Variants in HIVEP3 observed in about 807,000 individuals in gnomAD.
The protein encoded by HIVEP3 is transcription factor HIVEP3.
HIVEP3 carries 49 observed loss-of-function variants against 152.8 expected under a neutral mutation model. The observed-to-expected ratio is 0.32, with a 90% confidence interval of 0.26 to 0.41. The LOEUF (loss-of-function observed/expected upper bound fraction) is 0.41, where lower values mean the gene tolerates loss of function less well. Ranked by LOEUF, HIVEP3 falls within the 10% of genes least tolerant of loss-of-function variation. The pLI is 1.00. For synonymous variants in HIVEP3, 1,269 were observed against 1,289.0 expected (o/e 0.98, Z 0.33); for missense variants, 2,790 against 3,103.3 (o/e 0.90, Z 2.40).
At chr1:41,892,225 AAAC>A (rs1195327740) in intron 1 of HIVEP3, among the ~76,000 whole-genome samples, 2 of 152,228 alleles carry the variant, frequency 1.3e-5, no homozygotes, top group Admixed American at 6.5e-5. Flanking sequence ...TAAAACAAAT[AAAC>A]AACAACAACA....
At chr1:41,810,471 GC>G (rs1008923354) in intron 1 of HIVEP3, among the ~76,000 whole-genome samples, 7 of 152,144 alleles carry the variant, frequency 4.6e-5, no homozygotes, top group African/African-American at 1.7e-4. Context: ...TAGGTCCCTT[GC>G]CCCCCATCCA....
chr1:41,813,102 G>A (rs924829138), intron 1 of HIVEP3, among the ~76,000 whole-genome samples: 25 of 152,016 alleles, frequency 1.6e-4, no homozygotes, highest in African/African-American at 9.7e-5. Context: ...GCAGTGGTGC[G>A]ATCTTGGCTC....
chr1:41,667,012 C>T (rs974629488), intron 2 of HIVEP3, among the ~76,000 whole-genome samples: 1 of 152,174 alleles, frequency 6.6e-6, no homozygotes, highest in African/African-American at 2.4e-5. Context: ...ACTCAGCCTT[C>T]CAGGCCAGCT....
At chr1:41,518,619 GGCTGGGCAGGA>G in intron 6 of HIVEP3, 131 bp from the exon 7 acceptor site, 1 of 821,946 alleles carries the variant, frequency 1.2e-6, no homozygotes, top group Non-Finnish European at 2.0e-6. Context: ...CCAGCTGCAG[GGCTGGGCAGGA>G]GCTGGGGTAT....
At chr1:41,967,030 G>T (rs1037401859) in intron 1 of HIVEP3, among the ~76,000 whole-genome samples, 4 of 152,020 alleles carry the variant, frequency 2.6e-5, no homozygotes, top group African/African-American at 9.7e-5. Context: ...ACCTAATACA[G>T]AAACACCCAG....
intron 1 of HIVEP3, among the ~76,000 whole-genome samples, chr1:41,905,498 A>G (rs1417577367): frequency 6.6e-6 from 1 of 152,166 alleles, no homozygotes; most frequent in Admixed American, 6.5e-5. Flanking sequence ...ATTCAACAAC[A>G]TAGTATTCCC....
chr1:41,968,136 C>T (rs1304321645), intron 1 of HIVEP3, among the ~76,000 whole-genome samples: 1 of 152,020 alleles, frequency 6.6e-6, no homozygotes, highest in Non-Finnish European at 1.5e-5. Context: ...GGAGATGGTA[C>T]CATTTCTTCT....
intron 1 of HIVEP3, among the ~76,000 whole-genome samples, chr1:41,907,914 G>A (rs981621401): frequency 9.8e-5 from 15 of 152,334 alleles, no homozygotes; most frequent in African/African-American, 3.6e-4. Context: ...GAAATTGAGA[G>A]AGATAGTATT....
In HIVEP3 at chr1:41,579,929, C is replaced by T; in HGVS notation, c.4869G>A (p.Arg1623=). 6.2e-7 allele frequency: 1 copy of T among 1,614,212 alleles called. No individual in the cohort carries two copies. The highest frequency in any genetic ancestry group is 8.5e-7 in the Non-Finnish European group (1 of 1,180,034). Residue 1623 remains arginine, a synonymous_variant, in exon 4 of 9, where the codon AGG becomes AGA. Coordinates refer to ENST00000372583, the MANE Select transcript of HIVEP3 (RefSeq NM_024503.5). ...KPNHIQHADR[R]SSVYAGWCIS... ...TGCACCAACCAGCGTAAACAGAGGA[C>T]CTCCTATCTGCATGCTGGATGTGAT...
chr1:41,519,817 C>T (rs1339628650), intron 6 of HIVEP3, among the ~76,000 whole-genome samples: 1 of 151,840 alleles, frequency 6.6e-6, no homozygotes, highest in Non-Finnish European at 1.5e-5. Flanking sequence ...AATAGGCAGA[C>T]GGAGGATAGG....
intron 1 of HIVEP3, among the ~76,000 whole-genome samples, chr1:41,770,242 G>C (rs992773572): frequency 6.6e-6 from 1 of 152,094 alleles, no homozygotes; most frequent in East Asian, 1.9e-4. Flanking sequence ...CAAAGTGCTG[G>C]GATTACAGAT....
chr1:41,748,591 C>G (rs1480273510), intron 1 of HIVEP3, among the ~76,000 whole-genome samples: 2 of 152,198 alleles, frequency 1.3e-5, no homozygotes, highest in South Asian at 2.1e-4. Context: ...TTGTCACCTG[C>G]CAGGTACTGT....
chr1:41,750,414 A>G (rs1484966465), intron 1 of HIVEP3, among the ~76,000 whole-genome samples: 1 of 152,234 alleles, frequency 6.6e-6, no homozygotes, highest in Non-Finnish European at 1.5e-5. Context: ...GAGCCCACTC[A>G]AAGCATTAAT....
intron 1 of HIVEP3, among the ~76,000 whole-genome samples, chr1:41,799,655 A>C (rs1342427414): frequency 6.6e-6 from 1 of 151,892 alleles, no homozygotes; most frequent in African/African-American, 2.4e-5. Flanking sequence ...CCTTTAATAC[A>C]TTTCCTCTTT....
chr1:41,517,402 T>TGG (rs200621536), intron 7 of HIVEP3, among the ~76,000 whole-genome samples: 1 of 152,162 alleles, frequency 6.6e-6, no homozygotes, highest in African/African-American at 2.4e-5. Flanking sequence ...ATTCTAGCTT[T>TGG]GGGGGGGAAC....
intron 5 of HIVEP3, among the ~76,000 whole-genome samples, chr1:41,530,699 C>A (rs996906680): frequency 6.6e-6 from 1 of 152,236 alleles, no homozygotes; most frequent in Non-Finnish European, 1.5e-5. Flanking sequence ...CCCACACAGG[C>A]CCACAGCCAC....
chr1:41,714,886 T>C (rs190649034), intron 1 of HIVEP3, among the ~76,000 whole-genome samples: 5 of 152,276 alleles, frequency 3.3e-5, no homozygotes, highest in Admixed American at 2.6e-4. Context: ...TGTGTATGTG[T>C]TTTAAAAGGA....
intron 1 of HIVEP3, among the ~76,000 whole-genome samples, chr1:41,897,957 G>C (rs75693188): frequency 0.52 from 74,793 of 142,618 alleles, 19,194 homozygotes; most frequent in Middle Eastern, 0.56. Context: ...GAGAGAGAGA[G>C]AGAGAGAGAG....
chr1:41,527,249 A>ACCCC (rs1558029284), intron 5 of HIVEP3, among the ~76,000 whole-genome samples: 4 of 85,510 alleles, frequency 4.7e-5, no homozygotes, highest in Non-Finnish European at 7.3e-5. Flanking sequence ...CACCTCACAC[A>ACCCC]CACACACCCT....
Sources: allele counts gnomAD v4.1 joint callset (sites outside exome capture counted in the v4.1 genomes callset), GRCh38; gene constraint gnomAD v4.1.1; transcripts MANE v1.5; gene names NCBI Gene and HGNC (gene_info 2026-07-23, HGNC 2026-07-21).